Variants in PAX7 observed in about 807,000 individuals in gnomAD.
The protein encoded by PAX7 is paired box 7.
PAX7 carries 18 observed loss-of-function variants against 50.7 expected under a neutral mutation model. The ratio of observed to expected loss-of-function variants is 0.36; its 90% CI spans 0.25 to 0.53. The LOEUF (loss-of-function observed/expected upper bound fraction) is 0.53. PAX7 is among the 20% of genes least tolerant of loss of function. The pLI, the probability that PAX7 is intolerant of heterozygous loss-of-function variation, is 0.93. For synonymous variants in PAX7, 310 were observed against 290.4 expected (o/e 1.07, Z -0.69); for missense variants, 644 against 702.9 (o/e 0.92, Z 0.95).
At chr1:18,672,730 C>T (rs935573776) in intron 4 of PAX7, among the ~76,000 whole-genome samples, 3 of 151,820 alleles carry the variant, frequency 2.0e-5, no homozygotes, top group South Asian at 2.1e-4. Flanking sequence ...CTCAGCCTCC[C>T]GAGTAGCTGG....
chr1:18,717,963 G>A (rs980600730), intron 7 of PAX7, among the ~76,000 whole-genome samples: 7 of 152,306 alleles, frequency 4.6e-5, no homozygotes, highest in African/African-American at 9.6e-5. Flanking sequence ...GGCCTGACTC[G>A]CTGGATAGAC....
At chr1:18,720,305 G>C (rs2089478228) in intron 7 of PAX7, among the ~76,000 whole-genome samples, 1 of 152,154 alleles carries the variant, frequency 6.6e-6, no homozygotes, top group South Asian at 2.1e-4. Context: ...GAAAGGAAGG[G>C]GCCTGGGAGG....
intron 7 of PAX7, among the ~76,000 whole-genome samples, chr1:18,713,940 G>A (rs2089386254): frequency 6.6e-6 from 1 of 152,256 alleles, no homozygotes; most frequent in Non-Finnish European, 1.5e-5. Context: ...GCCGGGCACA[G>A]TGGCTCATGC....
chr1:18,704,022 G>A (rs1240464422), intron 7 of PAX7, among the ~76,000 whole-genome samples: 1 of 152,176 alleles, frequency 6.6e-6, no homozygotes, highest in Non-Finnish European at 1.5e-5. Flanking sequence ...CTCAACAAGA[G>A]GTGCTTGCCA....
At chr1:18,676,569 T>C (rs1313390208) in intron 4 of PAX7, among the ~76,000 whole-genome samples, 2 of 151,864 alleles carry the variant, frequency 1.3e-5, no homozygotes, top group Admixed American at 1.3e-4. Flanking sequence ...CCCCTTCTCC[T>C]AAGAGGAAAA....
At chr1:18,656,369 C>T (rs1391732658) in intron 4 of PAX7, among the ~76,000 whole-genome samples, 7 of 152,064 alleles carry the variant, frequency 4.6e-5, no homozygotes, top group African/African-American at 2.4e-5. Flanking sequence ...TGAGGTGGTG[C>T]ACACCTGTAA....
Position 18,691,178 on chromosome 1 carries a change from T to A in PAX7, c.587-576T>A, listed in dbSNP as rs140760563. ...CTTTTTTCTGGAGGTTGGTTCTTACTGTGTTGTCCAGGCTGGTCTTGAACT... is the reference window on the plus strand; with the variant it reads ...CTTTTTTCTGGAGGTTGGTTCTTACAGTGTTGTCCAGGCTGGTCTTGAACT... On this transcript the variant is annotated intron_variant, in intron 4 of 8. Transcript: ENST00000420770. 2.4e-3 allele frequency among the ~76,000 whole-genome samples: 366 copies of A among 152,296 alleles called. 3 individuals carry two copies. In the South Asian group the frequency reaches 0.029, roughly 12 times the overall value.
intron 4 of PAX7, among the ~76,000 whole-genome samples, chr1:18,662,539 A>G (rs2088614899): frequency 6.6e-6 from 1 of 152,058 alleles, no homozygotes; most frequent in Non-Finnish European, 1.5e-5. Flanking sequence ...AAAACATTGT[A>G]TTAGTTCTAG....
chr1:18,692,090 TG>T, intron 5 of PAX7, 137 bp downstream of exon 5: 1 of 709,158 alleles, frequency 1.4e-6, no homozygotes, highest in Non-Finnish European at 2.3e-6. Context: ...AGGCAAGTAA[TG>T]CCACCAGCAT....
At position 18,631,052 on chromosome 1, in the gene PAX7, G is replaced by A. The variant is rs2255640; in HGVS notation, c.-552G>A. On this transcript the variant is annotated 5_prime_UTR_variant, in exon 1 of 9. Transcript: ENST00000420770. ...AGCGAGTGTGGTCCGGAGAAAGAAG[G>A]CGTGGAGAAGAGGGAGGGAGCGAGA... 0.08 allele frequency: 18,258 copies of A among 228,598 alleles called. 827 individuals carry two copies. Among genetic ancestry groups the A allele is most frequent in the Admixed American group, 0.12 (2,139 of 17,628 alleles). The allele number at this position is 228,598 out of a possible 1,614,324, so 14.2% of individuals were successfully genotyped here. A position where few individuals can be genotyped will look rare whatever the true frequency, so the allele number is the denominator to read the frequency against.
rs201602654 is a variant in PAX7 at position 18,691,769 on chromosome 1, A to G, written c.602A>G (p.Glu201Gly). The G allele has an allele frequency of 1.3e-4, 209 of 1,584,656 alleles. No homozygotes were observed. The African/African-American group carries it at 2.4e-3, about 18-fold the overall frequency. ...CCGGCTGTAGGGAACCGGCTGGACG[A>G]GGGCTCGGATGTGGAGTCGGAACCT... ...ILGDKGNRLD[E>G]GSDVESEPDL... Residue 201 changes from glutamate (E) to glycine (G), a missense_variant, in exon 5 of 9, where the codon GAG becomes GGG. Physicochemically the swap from Glu to Gly is moderately conservative, Grantham distance 98 (BLOSUM62 -2). Coordinates refer to ENST00000420770, the MANE Select transcript of PAX7 (RefSeq NM_001135254.2).
intron 4 of PAX7, among the ~76,000 whole-genome samples, chr1:18,682,378 C>T (rs1450204133): frequency 2.0e-5 from 3 of 152,140 alleles, no homozygotes; most frequent in South Asian, 2.1e-4. Flanking sequence ...ACCCTTCAGA[C>T]ATCAGCATGG....
At chr1:18,631,831 G>A in intron 1 of PAX7, 143 bp downstream of exon 1, 2 of 697,434 alleles carry the variant, frequency 2.9e-6, no homozygotes, top group Non-Finnish European at 4.9e-6. Flanking sequence ...GTCCGGGCGC[G>A]GAACCCAGGG....
intron 8 of PAX7, 101 bp from the exon 9 acceptor site, chr1:18,744,713 G>A (rs868521817): frequency 4.1e-5 from 28 of 687,240 alleles, no homozygotes; most frequent in Non-Finnish European, 6.2e-5. Flanking sequence ...TGGATGGATG[G>A]ATGGATGGAT....
chr1:18,640,048 G>A (rs999976585), intron 4 of PAX7, among the ~76,000 whole-genome samples: 3 of 152,006 alleles, frequency 2.0e-5, no homozygotes, highest in African/African-American at 7.3e-5. Context: ...AGACTTCCTG[G>A]GTGTGAAAGA....
intron 4 of PAX7, among the ~76,000 whole-genome samples, chr1:18,641,787 T>C (rs528744394): frequency 1.4e-4 from 22 of 152,310 alleles, no homozygotes; most frequent in African/African-American, 5.3e-4. Context: ...GTTATTTAGA[T>C]ATTAATAACA....
chr1:18,698,875 C>T (rs1203057812), intron 5 of PAX7, among the ~76,000 whole-genome samples: 14 of 152,218 alleles, frequency 9.2e-5, no homozygotes, highest in Non-Finnish European at 1.8e-4. Flanking sequence ...TTTTCCCACC[C>T]GGGAAGGATG....
intron 4 of PAX7, among the ~76,000 whole-genome samples, chr1:18,659,940 T>C (rs1439141817): frequency 2.6e-5 from 4 of 152,046 alleles, no homozygotes; most frequent in Admixed American, 2.0e-4. Context: ...GCAAAAGAAT[T>C]GGGAAAAGCC....
rs916407020 is a variant in PAX7, at chr1:18,748,119, G to C, written c.*3190G>C. The C allele has an allele frequency of 4.6e-6, 1 of 217,450 alleles. No individual in the cohort carries two copies. The highest frequency in any genetic ancestry group is 9.2e-6 in the Non-Finnish European group (1 of 108,216). 13.5% of individuals were successfully genotyped at this position (217,450 alleles called of 1,614,324 possible). A position where few individuals can be genotyped will look rare whatever the true frequency, so the allele number is the denominator to read the frequency against. On this transcript the variant is annotated 3_prime_UTR_variant, in exon 9 of 9. Coordinates refer to ENST00000420770, the MANE Select transcript of PAX7 (RefSeq NM_001135254.2). Reference sequence around the variant, plus strand: ...AGCAAACAGAGAACTAGGGGGATAAGAGAGAAGAAAAGAAGAATGGAGAGA... The same window carrying C: ...AGCAAACAGAGAACTAGGGGGATAACAGAGAAGAAAAGAAGAATGGAGAGA...
Sources: gnomAD v4.1 joint callset for allele counts (sites outside exome capture counted in the v4.1 genomes callset) on GRCh38, gnomAD v4.1.1 for gene constraint, MANE v1.5 for transcripts, NCBI Gene and HGNC (gene_info 2026-07-23, HGNC 2026-07-21) for gene names.